The following MARCHF8 variants were observed in gnomAD, a reference collection of about 807,000 sequenced individuals.
The protein encoded by MARCHF8 is membrane associated ring-CH-type finger 8.
In MARCHF8, 40 loss-of-function variants were observed where a neutral mutation model predicts 51.6. That is an observed-to-expected ratio of 0.77 (90% CI 0.60 to 1.01). The LOEUF (loss-of-function observed/expected upper bound fraction) is 1.01. Ranked by LOEUF, MARCHF8 falls within the 50% of genes least tolerant of loss-of-function variation. The pLI is 0.00. For missense variants in MARCHF8, 685 were observed against 708.6 expected, an observed-to-expected ratio of 0.97 and a Z score of 0.38; for synonymous variants, 263 against 280.3, an observed-to-expected ratio of 0.94 and a Z score of 0.62.
chr10:45,589,144 C>G (rs1476091834), intron 1 of MARCHF8, among the ~76,000 whole-genome samples: 2 of 151,908 alleles, frequency 1.3e-5, no homozygotes, highest in African/African-American at 4.8e-5. Flanking sequence ...TAACCCAAAA[C>G]TCAGTAGTTT....
rs2133253379 is a variant in MARCHF8 at position 45,526,173 on chromosome 10, A to G, written c.102+6937T>C. Among the ~76,000 whole-genome samples, 2 of 152,328 alleles carry G rather than the reference A, an allele frequency of 1.3e-5. 1 individual carries two copies. Among genetic ancestry groups the G allele is most frequent in the South Asian group, 4.1e-4 (2 of 4,830 alleles). ...CATGCCTCTTCCATGGAAAGCTCCAAAACGGCGAGTAGATATTCACCCTTC... is the reference window on the plus strand; with the variant it reads ...CATGCCTCTTCCATGGAAAGCTCCAGAACGGCGAGTAGATATTCACCCTTC... On this transcript the variant is annotated intron_variant, in intron 2 of 7. Coordinates refer to ENST00000453424, the MANE Select transcript of MARCHF8 (RefSeq NM_001282866.2).
chr10:45,574,711 C>T (rs35585999), intron 1 of MARCHF8, among the ~76,000 whole-genome samples: 9,399 of 152,218 alleles, frequency 0.062, 332 homozygotes, highest in Non-Finnish European at 0.067. Flanking sequence ...TGGCGGCTAC[C>T]GCTGCCTTAA....
At chr10:45,584,048 C>T (rs779770453) in intron 1 of MARCHF8, among the ~76,000 whole-genome samples, 2 of 134,302 alleles carry the variant, frequency 1.5e-5, no homozygotes, top group Non-Finnish European at 3.2e-5. Flanking sequence ...AAAGAATCTA[C>T]TTTTTGTAAG....
rs2043106526 is a variant in MARCHF8, at chr10:45,492,731, CA to C, written c.103-3315del. 1.3e-5 allele frequency among the ~76,000 whole-genome samples: 2 copies of C among 152,212 alleles called. 1 individual carries two copies. Among genetic ancestry groups the C allele is most frequent in the South Asian group, 4.1e-4 (2 of 4,838 alleles). The stretch of plus-strand genomic sequence containing the variant: ...ATTCTTTCCACACTTATTTACTATG[CA>C]ACTACTATGTGTGAACAACTGTGTC... On this transcript the variant is annotated intron_variant, in intron 2 of 7. Coordinates refer to ENST00000453424, the MANE Select transcript of MARCHF8 (RefSeq NM_001282866.2).
At chr10:45,568,861 G>T (rs1258422659) in intron 1 of MARCHF8, among the ~76,000 whole-genome samples, 4 of 151,788 alleles carry the variant, frequency 2.6e-5, no homozygotes, top group African/African-American at 7.3e-5. Context: ...GAGGTCAGGA[G>T]ATCGAGACCA....
chr10:45,481,238 A>G (rs924455836), intron 3 of MARCHF8, among the ~76,000 whole-genome samples: 9 of 152,140 alleles, frequency 5.9e-5, no homozygotes, highest in African/African-American at 1.9e-4. Context: ...AACTAACTTG[A>G]TTTTGATTTT....
intron 2 of MARCHF8, among the ~76,000 whole-genome samples, chr10:45,513,033 C>T (rs1230206931): frequency 6.6e-6 from 1 of 151,034 alleles, no homozygotes; most frequent in Non-Finnish European, 1.5e-5. Context: ...GCAGCATGCT[C>T]GTTAAGAATC....
chr10:45,492,588 C>T (rs978799588), intron 2 of MARCHF8, among the ~76,000 whole-genome samples: 3 of 152,182 alleles, frequency 2.0e-5, no homozygotes, highest in African/African-American at 7.2e-5. Context: ...TGAGCCACTG[C>T]GCCCAGCCTA....
At chr10:45,486,246 G>C (rs1409537112) in intron 3 of MARCHF8, among the ~76,000 whole-genome samples, 1 of 152,168 alleles carries the variant, frequency 6.6e-6, no homozygotes, top group Non-Finnish European at 1.5e-5. Context: ...TAAGTGTCCA[G>C]TCGCAAACAG....
At position 45,459,197 on chromosome 10, in the gene MARCHF8, G is replaced by A; in HGVS notation, c.1340C>T (p.Ala447Val). Residue 447 changes from alanine to valine, a missense_variant, in exon 7 of 8, where the codon GCC (alanine) becomes GTC (valine). Transcript: ENST00000453424. ...CAAGGACCAGACCACACATGTGATG[G>A]CAATGACGTGGAATGTCACTGAGCA... The part of the protein sequence containing the change: ...IMCSVTFHVI[A>V]ITCVVWSLYV... 6.2e-7 allele frequency: 1 copy of A among 1,614,062 alleles called. No individual in the cohort carries two copies. The highest frequency in any genetic ancestry group is 1.3e-5 in the African/African-American group (1 of 75,022).
At chr10:45,525,174 T>C (rs1269703382) in intron 2 of MARCHF8, among the ~76,000 whole-genome samples, 1 of 152,228 alleles carries the variant, frequency 6.6e-6, no homozygotes, top group Non-Finnish European at 1.5e-5. Context: ...GATCTATCAA[T>C]ACTCATGTGT....
At chr10:45,573,738 C>A (rs2044458083) in intron 1 of MARCHF8, among the ~76,000 whole-genome samples, 1 of 152,168 alleles carries the variant, frequency 6.6e-6, no homozygotes, top group South Asian at 2.1e-4. Context: ...TTAGGTAACT[C>A]TTAAAGTGGA....
intron 2 of MARCHF8, among the ~76,000 whole-genome samples, chr10:45,514,268 T>G (rs563358838): frequency 6.6e-6 from 1 of 152,386 alleles, no homozygotes; most frequent in African/African-American, 2.4e-5. Flanking sequence ...GTCTGTTCCA[T>G]AAAGCCTAAT....
chr10:45,479,264 G>A (rs1219408310), intron 3 of MARCHF8, among the ~76,000 whole-genome samples: 1 of 152,118 alleles, frequency 6.6e-6, no homozygotes, highest in Non-Finnish European at 1.5e-5. Context: ...CTCAATAGAA[G>A]CAGAAAAGGC....
intron 2 of MARCHF8, among the ~76,000 whole-genome samples, chr10:45,490,338 G>T (rs1309529553): frequency 6.6e-6 from 1 of 152,184 alleles, no homozygotes; most frequent in Non-Finnish European, 1.5e-5. Context: ...TACTCAGGAG[G>T]TGACTCTAAT....
intron 2 of MARCHF8, among the ~76,000 whole-genome samples, chr10:45,524,795 A>G (rs1357625544): frequency 6.6e-6 from 1 of 152,052 alleles, no homozygotes; most frequent in African/African-American, 2.4e-5. Flanking sequence ...TGTATCTCAA[A>G]TCTCTGGTAG....
chr10:45,529,616 G>GA (rs1367069998), intron 2 of MARCHF8, among the ~76,000 whole-genome samples: 3 of 151,866 alleles, frequency 2.0e-5, no homozygotes, highest in South Asian at 2.1e-4. Flanking sequence ...AACTCAACAA[G>GA]AAAAAAATAA....
intron 3 of MARCHF8, among the ~76,000 whole-genome samples, chr10:45,487,000 G>A (rs2042992453): frequency 1.3e-5 from 2 of 150,740 alleles, no homozygotes; most frequent in Non-Finnish European, 1.5e-5. Flanking sequence ...TAGTAAAGAT[G>A]GGGTTTCATC....
At chr10:45,468,498 T>C (rs1843045125) in intron 3 of MARCHF8, among the ~76,000 whole-genome samples, 1 of 152,168 alleles carries the variant, frequency 6.6e-6, no homozygotes, top group Admixed American at 6.5e-5. Context: ...AACATTTGGG[T>C]CTCAGGCCCC....
Sources: allele counts gnomAD v4.1 joint callset (sites outside exome capture counted in the v4.1 genomes callset), GRCh38; gene constraint gnomAD v4.1.1; transcripts MANE v1.5; gene names NCBI Gene and HGNC (gene_info 2026-07-23, HGNC 2026-07-21).